DIS3: variants seen among roughly 807,000 people sequenced by gnomAD.
DIS3 encodes the protein exosome complex exonuclease RRP44.
A neutral mutation model predicts 113.0 loss-of-function variants in DIS3; 103 were observed. The observed-to-expected ratio is 0.91, with a 90% CI of 0.78 to 1.07. DIS3 has a LOEUF of 1.07. Ranked by LOEUF, DIS3 falls within the 50% of genes least tolerant of loss-of-function variation. The pLI is 0.00. For missense variants in DIS3, 1,121 were observed against 1,167.1 expected, an observed-to-expected ratio of 0.96 and a Z score of 0.58; for synonymous variants, 402 against 394.3, an observed-to-expected ratio of 1.02 and a Z score of -0.23.
Position 72,781,635 on chromosome 13 carries a change from C to G in DIS3, c.198G>C (p.Leu66Phe). ...GCAGTAACACATTAGTGTCGGGCAG[C>G]AAGTAGTGCGGTTGCGGGCAGACGC... ...ASSVCPQPHY[L>F]LPDTNVLLHQ... Residue 66 changes from leucine to phenylalanine, a missense_variant, in exon 1 of 21, where the codon TTG becomes TTC. Physicochemically the swap from Leu to Phe is conservative, Grantham distance 22. Around this residue, in one of 3 missense-constraint regions of DIS3, gnomAD observed 254 missense variants for 232.2 expected, o/e 1.09. Transcript: ENST00000377767. 6.5e-7 allele frequency: 1 copy of G among 1,539,512 alleles called. No individual in the cohort carries two copies. The highest frequency in any genetic ancestry group is 8.8e-7 in the Non-Finnish European group (1 of 1,141,216).
In DIS3 at chr13:72,759,749, T is replaced by A; in HGVS notation, c.*46A>T. Reference sequence around the variant, plus strand: ...CTTAGAAGTGTTCTTTCAAGTTTTTTCTTTTAAAAAAGAAACCAGTCTTTG... The same window carrying A: ...CTTAGAAGTGTTCTTTCAAGTTTTTACTTTTAAAAAAGAAACCAGTCTTTG... On this transcript the variant is annotated 3_prime_UTR_variant, in exon 21 of 21. Coordinates refer to ENST00000377767, the MANE Select transcript of DIS3 (RefSeq NM_014953.5). 1 of 1,502,814 alleles carries A rather than the reference T, an allele frequency of 6.7e-7. No individual in the cohort carries two copies. Among genetic ancestry groups the A allele is most frequent in the Non-Finnish European group, 9.2e-7 (1 of 1,090,614 alleles). 93.1% of individuals were successfully genotyped at this position (1,502,814 alleles called of 1,614,324 possible).
rs186865731 is a variant in DIS3, at chr13:72,755,034, T to C, written c.*4761A>G. The C allele has an allele frequency of 2.0e-5, 15 of 759,614 alleles. No individual in the cohort carries two copies. The Admixed American group carries it at 2.3e-4, about 12-fold the overall frequency. 47.1% of individuals were successfully genotyped at this position (759,614 alleles called of 1,614,324 possible). A position where few individuals can be genotyped will look rare whatever the true frequency, so the allele number is the denominator to read the frequency against. On this transcript the variant is annotated 3_prime_UTR_variant, in exon 21 of 21. Coordinates refer to ENST00000377767, the MANE Select transcript of DIS3 (RefSeq NM_014953.5). ...TTTATAAAATACTGTATCTTTACTGTCCCTTCAGAGTTCAGCTAAAGAAAC... is the reference window on the plus strand; with the variant it reads ...TTTATAAAATACTGTATCTTTACTGCCCCTTCAGAGTTCAGCTAAAGAAAC...
At chr13:72,769,289 C>G (rs756916739) in intron 13 of DIS3, among the ~76,000 whole-genome samples, 2 of 152,078 alleles carry the variant, frequency 1.3e-5, no homozygotes, top group Non-Finnish European at 2.9e-5. Context: ...TCCAGATGAT[C>G]ATTATTCCCC....
chr13:72,779,682 C>A (rs1373644886), intron 2 of DIS3, among the ~76,000 whole-genome samples: 1 of 150,112 alleles, frequency 6.7e-6, no homozygotes, highest in Non-Finnish European at 1.5e-5. Context: ...GAAGTCTACA[C>A]TCTAATCCAA....
chr13:72,761,729 G>A lies in DIS3; in HGVS notation c.2428C>T (p.Leu810Phe). 6 of 1,613,876 alleles carry A rather than the reference G, an allele frequency of 3.7e-6. No homozygotes were observed. Among genetic ancestry groups the A allele is most frequent in the Non-Finnish European group, 5.1e-6 (6 of 1,179,970 alleles). The change falls in exon 18 of 21, where the codon CTT becomes TTT. Residue 810 changes from leucine (L) to phenylalanine (F), a missense_variant. Around this residue, in one of 3 missense-constraint regions of DIS3, gnomAD observed 861 missense variants for 915.5 expected, o/e 0.94. Coordinates refer to ENST00000377767, the MANE Select transcript of DIS3 (RefSeq NM_014953.5). ...TYPELTDKHK[L>F]ADICKNLNFR... ...TTTAGATTTTTACATATATCTGCAA[G>A]CTTGTGTTTGTCTGTCAACTCTGGA...
At chr13:72,771,452 T>C (rs750068284) in intron 11 of DIS3, among the ~76,000 whole-genome samples, 3 of 152,202 alleles carry the variant, frequency 2.0e-5, no homozygotes, top group Non-Finnish European at 4.4e-5. Context: ...TATAAGTTTA[T>C]ACTTGATACC....
chr13:72,762,185 CAGT>C lies in DIS3; in HGVS notation c.2128-51_2128-49del, dbSNP rs748842211. On this transcript the variant is annotated intron_variant, in intron 16 of 20. Transcript: ENST00000377767. ...AGCACCATATTAAACATTTCTAAGT[CAGT>C]ACCATTATGTCTTCAAAATATAACT... is the stretch of plus-strand genomic sequence containing the variant. 6 of 1,477,984 alleles carry C rather than the reference CAGT, an allele frequency of 4.1e-6. No homozygotes were observed. In the East Asian group the frequency reaches 1.4e-4, roughly 35 times the overall value. 91.6% of individuals were successfully genotyped at this position (1,477,984 alleles called of 1,614,324 possible).
At chr13:72,780,163 T>G (rs918493820) in intron 2 of DIS3, among the ~76,000 whole-genome samples, 4 of 151,424 alleles carry the variant, frequency 2.6e-5, no homozygotes, top group Non-Finnish European at 4.4e-5. Flanking sequence ...CTGTCTCTAC[T>G]AAAAATACAA....
chr13:72,775,962 G>C lies in DIS3; in HGVS notation c.785C>G (p.Thr262Arg). 1 of 1,610,758 alleles carries C rather than the reference G, an allele frequency of 6.2e-7. No individual in the cohort carries two copies. Among genetic ancestry groups the C allele is most frequent in the Non-Finnish European group, 8.5e-7 (1 of 1,178,980 alleles). ...RASRENYLEA[T>R]VWIHGDNEEN... ...TTCATTGTCGCCATGAATCCATACT[G>C]TAGCTTCCAAGTAATTTTCCCTGCT... Residue 262 changes from threonine (T) to arginine (R), a missense_variant, in exon 5 of 21, where the codon ACA (threonine) becomes AGA (arginine). Physicochemically the swap from Thr to Arg is moderately conservative, Grantham distance 71. This residue lies in a region of DIS3 where 861 missense variants were observed against 915.5 expected (regional missense o/e 0.94). Coordinates refer to ENST00000377767, the MANE Select transcript of DIS3 (RefSeq NM_014953.5).
chr13:72,772,828 C>T lies in DIS3; in HGVS notation c.1251G>A (p.Val417=), dbSNP rs747809407. ...RNSRYPNGHF[V]RNLGDVGEKE... ...TCTCTCCAACATCACCTAAATTTCTCACAAAGTGTCCCTGAAACCAAGAGG... is the reference window on the plus strand; with the variant it reads ...TCTCTCCAACATCACCTAAATTTCTTACAAAGTGTCCCTGAAACCAAGAGG... The change falls in exon 9 of 21, where the codon GTG becomes GTA. Residue 417 remains valine, a synonymous_variant. Coordinates refer to ENST00000377767, the MANE Select transcript of DIS3 (RefSeq NM_014953.5). 3 of 1,601,352 alleles carry T rather than the reference C, an allele frequency of 1.9e-6. No individual in the cohort carries two copies. Among genetic ancestry groups the T allele is most frequent in the South Asian group, 2.3e-5 (2 of 87,986 alleles).
Sources: gnomAD v4.1 joint callset for allele counts (sites outside exome capture counted in the v4.1 genomes callset) on GRCh38, gnomAD v4.1.1 for gene constraint, gnomAD v4.1.1 regional missense constraint, MANE v1.5 for transcripts, NCBI Gene and HGNC (gene_info 2026-07-23, HGNC 2026-07-21) for gene names.